DLGAP1: variants seen among roughly 807,000 people sequenced by gnomAD.
DLGAP1 encodes the protein disks large-associated protein 1.
A neutral mutation model predicts 90.8 loss-of-function variants in DLGAP1; 11 were observed. The ratio of observed to expected loss-of-function variants is 0.12; its 90% confidence interval spans 0.08 to 0.20. The LOEUF (loss-of-function observed/expected upper bound fraction) is 0.20. Ranked by LOEUF, DLGAP1 falls within the 10% of genes least tolerant of loss-of-function variation. The pLI, the probability that DLGAP1 is intolerant of heterozygous loss-of-function variation, is 1.00. For missense variants in DLGAP1, 1,050 were observed against 1,333.8 expected (o/e 0.79, Z 3.31); for synonymous variants, 558 against 540.7 (o/e 1.03, Z -0.44).
chr18:3,997,865 T>C (rs2074102066), intron 3 of DLGAP1, among the ~76,000 whole-genome samples: 1 of 152,112 alleles, frequency 6.6e-6, no homozygotes, highest in Admixed American at 6.6e-5. Context: ...CATATTAAGT[T>C]TTTGCTATCT....
chr18:3,598,694 C>G (rs2056733718), intron 7 of DLGAP1, among the ~76,000 whole-genome samples: 1 of 152,162 alleles, frequency 6.6e-6, no homozygotes, highest in Admixed American at 6.5e-5. Flanking sequence ...TCTTGAACTC[C>G]TGACGTCAAG....
At chr18:4,115,392 T>C (rs181303604) in intron 2 of DLGAP1, among the ~76,000 whole-genome samples, 1 of 152,310 alleles carries the variant, frequency 6.6e-6, no homozygotes, top group East Asian at 1.9e-4. Context: ...CGTATTTATA[T>C]AGTTTGCTGT....
chr18:3,870,998 T>G (rs768610466), intron 4 of DLGAP1, among the ~76,000 whole-genome samples: 1 of 152,238 alleles, frequency 6.6e-6, no homozygotes, highest in Non-Finnish European at 1.5e-5. Flanking sequence ...ACAAACTTGC[T>G]TCAACTCTAA....
At chr18:3,805,170 C>A (rs181495188) in intron 5 of DLGAP1, among the ~76,000 whole-genome samples, 2 of 152,180 alleles carry the variant, frequency 1.3e-5, no homozygotes, top group African/African-American at 4.8e-5. Context: ...GTGCTAAGTG[C>A]GCCACATACA....
At chr18:4,226,417 G>T (rs893664083) in intron 1 of DLGAP1, among the ~76,000 whole-genome samples, 1 of 151,938 alleles carries the variant, frequency 6.6e-6, no homozygotes, top group Non-Finnish European at 1.5e-5. Flanking sequence ...TAACTGTGGT[G>T]GGTAAACTTT....
intron 3 of DLGAP1, among the ~76,000 whole-genome samples, chr18:3,890,092 C>CAGTG (rs1317738126): frequency 6.6e-6 from 1 of 152,192 alleles, no homozygotes; most frequent in African/African-American, 2.4e-5. Context: ...CCCTCCTGCC[C>CAGTG]AGTGGGTAAC....
chr18:4,306,458 TGTGTGAGA>T (rs769716752), intron 1 of DLGAP1, among the ~76,000 whole-genome samples: 12 of 52,792 alleles, frequency 2.3e-4, no homozygotes, highest in East Asian at 2.1e-3. Context: ...TGTGTGTGTG[TGTGTGAGA>T]GAGAGAGAGA....
Position 3,989,070 on chromosome 18 carries a change from C to T in DLGAP1, c.-73+16046G>A, listed in dbSNP as rs74759447. Among the ~76,000 whole-genome samples, 127 of 152,270 alleles carry T rather than the reference C, an allele frequency of 8.3e-4. 4 individuals carry two copies. In the East Asian group the frequency reaches 0.015, roughly 18 times the overall value. ...TGCACTTCCGAGGCAATGGGTTGCT[C>T]GGGACTTTTGCTTCTCCCTCCCAGG... On this transcript the variant is annotated intron_variant, in intron 3 of 12. Coordinates refer to ENST00000315677, the MANE Select transcript of DLGAP1 (RefSeq NM_004746.4).
intron 3 of DLGAP1, among the ~76,000 whole-genome samples, chr18:3,883,504 T>C (rs2071233984): frequency 6.6e-6 from 1 of 152,250 alleles, no homozygotes; most frequent in African/African-American, 2.4e-5. Context: ...AATTTGTTAG[T>C]CTACTAAATT....
rs182941070 is a variant in DLGAP1 at position 4,270,540 on chromosome 18, A to G, written c.-266-119253T>C. 3.2e-3 allele frequency among the ~76,000 whole-genome samples: 487 copies of G among 152,344 alleles called. 1 individual carries two copies. Among genetic ancestry groups the G allele is most frequent in the African/African-American group, 0.011 (458 of 41,580 alleles). On this transcript the variant is annotated intron_variant, in intron 1 of 12. Transcript: ENST00000315677. ...CAAAATATTTCACATTGATGGTTTC[A>G]TCACACAAAACTAATAATTTTTAAT...
rs1208229617 is a variant in DLGAP1 at position 3,534,200 on chromosome 18, C to T, written c.2473G>A (p.Glu825Lys). The T allele has an allele frequency of 1.1e-5, 18 of 1,612,682 alleles. No individual in the cohort carries two copies. The highest frequency in any genetic ancestry group is 3.3e-5 in the South Asian group (3 of 90,812). ...ACGTGGTGGCATTACTTACTGTCTT[C>T]GGGCAGGTTGTTTTCCCGTTCTTCC... is the stretch of plus-strand genomic sequence containing the variant. Reference protein sequence around the residue: ...EREERENNLPEDILGKIRTAV... With the variant: ...EREERENNLPKDILGKIRTAV... The change falls in exon 10 of 13, where the codon GAA becomes AAA. Residue 825 changes from glutamate (E) to lysine (K), a missense_variant. Around this residue, in one of 2 missense-constraint regions of DLGAP1, gnomAD observed 565 missense variants for 879.7 expected, o/e 0.64. Coordinates refer to ENST00000315677, the MANE Select transcript of DLGAP1 (RefSeq NM_004746.4).
chr18:3,596,664 G>A (rs533427299), intron 7 of DLGAP1: 4 of 351,430 alleles, frequency 1.1e-5, no homozygotes, highest in Admixed American at 4.3e-5. Flanking sequence ...CACAGCACAC[G>A]CGTGGCTCAC....
chr18:4,269,555 C>A (rs566796821), intron 1 of DLGAP1, among the ~76,000 whole-genome samples: 1 of 151,616 alleles, frequency 6.6e-6, no homozygotes, highest in South Asian at 2.1e-4. Flanking sequence ...GGGGTTTCAC[C>A]GTGTTAGCCA....
chr18:3,614,154 A>G (rs1362845097), intron 7 of DLGAP1, among the ~76,000 whole-genome samples: 1 of 151,820 alleles, frequency 6.6e-6, no homozygotes, highest in Admixed American at 6.6e-5. Flanking sequence ...TCCTGAGCTC[A>G]GGCAATCCGC....
intron 5 of DLGAP1, among the ~76,000 whole-genome samples, chr18:3,766,151 C>A (rs772326460): frequency 6.6e-6 from 1 of 152,008 alleles, no homozygotes; most frequent in Non-Finnish European, 1.5e-5. Flanking sequence ...TTATATCATG[C>A]AAACATTAAT....
chr18:4,374,896 T>G (rs115198682), intron 1 of DLGAP1, among the ~76,000 whole-genome samples: 1,832 of 152,208 alleles, frequency 0.012, 17 homozygotes, highest in African/African-American at 0.025. Context: ...TAAATATATC[T>G]ACTAGATTGG....
chr18:4,211,981 T>C (rs1443277230), intron 1 of DLGAP1, among the ~76,000 whole-genome samples: 1 of 152,180 alleles, frequency 6.6e-6, no homozygotes, highest in South Asian at 2.1e-4. Flanking sequence ...TTTTTAAAAA[T>C]ACAAACATGT....
chr18:4,331,962 C>G (rs2080962512), intron 1 of DLGAP1, among the ~76,000 whole-genome samples: 3 of 151,774 alleles, frequency 2.0e-5, no homozygotes, highest in Admixed American at 2.0e-4. Context: ...GATATTTGGT[C>G]CTTGCTCTCA....
At chr18:4,203,489 A>G (rs902104129) in intron 1 of DLGAP1, among the ~76,000 whole-genome samples, 2 of 152,142 alleles carry the variant, frequency 1.3e-5, no homozygotes, top group African/African-American at 4.8e-5. Context: ...TTTTAAAAAC[A>G]CAATTTTGTT....
Sources: allele counts gnomAD v4.1 joint callset (sites outside exome capture counted in the v4.1 genomes callset), GRCh38; gene constraint gnomAD v4.1.1; regional missense constraint gnomAD v4.1.1; transcripts MANE v1.5; gene names NCBI Gene and HGNC (gene_info 2026-07-23, HGNC 2026-07-21).